CNOT2: variants seen among roughly 807,000 people sequenced by gnomAD.
The protein encoded by CNOT2 is CCR4-NOT transcription complex subunit 2.
A neutral mutation model predicts 72.1 loss-of-function variants in CNOT2; 7 were observed. The ratio of observed to expected loss-of-function variants is 0.10; its 90% confidence interval spans 0.06 to 0.18. CNOT2 has a LOEUF of 0.18. Ranked by LOEUF, CNOT2 falls within the 10% of genes least tolerant of loss-of-function variation. CNOT2 has a pLI of 1.00. For missense variants in CNOT2, 345 were observed against 660.3 expected (o/e 0.52, Z 5.23); for synonymous variants, 196 against 225.6 (o/e 0.87, Z 1.17).
intron 11 of CNOT2, among the ~76,000 whole-genome samples, chr12:70,339,066 A>ATATGTG (rs1881120696): frequency 5.9e-5 from 8 of 134,680 alleles, no homozygotes; most frequent in Non-Finnish European, 1.2e-4. Flanking sequence ...GCATGTATAT[A>ATATGTG]TGTGTGTGTG....
intron 4 of CNOT2, among the ~76,000 whole-genome samples, chr12:70,326,244 T>TA (rs1879056405): frequency 1.3e-5 from 2 of 151,848 alleles, no homozygotes; most frequent in Non-Finnish European, 2.9e-5. Context: ...TTATTCTTTG[T>TA]AAAAAGGTGA....
At chr12:70,338,045 C>T (rs2136052065) in intron 9 of CNOT2, 1 of 222,740 alleles carries the variant, frequency 4.5e-6, no homozygotes, top group East Asian at 1.4e-4. Context: ...GTATGTCTAA[C>T]TTATCTTCAA....
At chr12:70,337,106 G>T in intron 8 of CNOT2, 1 of 204,452 alleles carries the variant, frequency 4.9e-6, no homozygotes, top group Non-Finnish European at 9.9e-6. Context: ...AACCAAAATT[G>T]TTAATAATTA....
chr12:70,346,485 G>A (rs1177338255), intron 15 of CNOT2, 161 bp downstream of exon 15: 3 of 498,040 alleles, frequency 6.0e-6, no homozygotes, highest in African/African-American at 2.0e-5. Context: ...TTAGAAGAGT[G>A]TCCCAAAACA....
chr12:70,245,587 A>G (rs1196842376), intron 1 of CNOT2, among the ~76,000 whole-genome samples: 2 of 152,172 alleles, frequency 1.3e-5, no homozygotes, highest in African/African-American at 4.8e-5. Context: ...AATACAGCCT[A>G]TACAATTTTT....
chr12:70,317,878 T>C (rs1877626469), intron 3 of CNOT2, among the ~76,000 whole-genome samples: 1 of 151,354 alleles, frequency 6.6e-6, no homozygotes, highest in African/African-American at 2.4e-5. Flanking sequence ...GGTGAGAAAA[T>C]AGAAAAAAAA....
chr12:70,281,819 A>C (rs1565762639), intron 2 of CNOT2, among the ~76,000 whole-genome samples: 2 of 152,152 alleles, frequency 1.3e-5, no homozygotes, highest in South Asian at 2.1e-4. Context: ...TAGCTATTTA[A>C]ATTTAAACTC....
At chr12:70,304,856 C>T (rs1242545138) in intron 2 of CNOT2, among the ~76,000 whole-genome samples, 1 of 152,246 alleles carries the variant, frequency 6.6e-6, no homozygotes, top group Admixed American at 6.5e-5. Context: ...TGTTTACCTA[C>T]TCAAGCCTTG....
chr12:70,284,298 G>A (rs748361946), intron 2 of CNOT2, among the ~76,000 whole-genome samples: 19 of 151,526 alleles, frequency 1.3e-4, no homozygotes, highest in Non-Finnish European at 2.6e-4. Flanking sequence ...AGGCTGGAGT[G>A]CAGTGGCACC....
At chr12:70,341,960 T>C (rs1565831988) in intron 11 of CNOT2, 147 bp from the exon 12 acceptor site, 7 of 657,240 alleles carry the variant, frequency 1.1e-5, no homozygotes, top group Middle Eastern at 3.0e-4. Context: ...ACAGTCTTCA[T>C]TTGCTTCTGT....
intron 6 of CNOT2, 37 bp from the exon 7 acceptor site, chr12:70,332,730 C>T: frequency 6.4e-7 from 1 of 1,562,708 alleles, no homozygotes; most frequent in East Asian, 2.3e-5. Context: ...AGTTAGTGTT[C>T]TTACTGTATA....
At chr12:70,292,076 TA>T (rs1016670388) in intron 2 of CNOT2, among the ~76,000 whole-genome samples, 3 of 152,296 alleles carry the variant, frequency 2.0e-5, no homozygotes, top group African/African-American at 7.2e-5. Context: ...ATTTCTTATT[TA>T]AAAAGAGAAA....
At chr12:70,314,221 A>C (rs1251282030) in intron 3 of CNOT2, among the ~76,000 whole-genome samples, 3 of 152,154 alleles carry the variant, frequency 2.0e-5, no homozygotes, top group Non-Finnish European at 4.4e-5. Context: ...GCCATGTAAA[A>C]GTCTTCTATT....
At chr12:70,312,843 A>T (rs1565801025) in intron 3 of CNOT2, among the ~76,000 whole-genome samples, 1 of 152,010 alleles carries the variant, frequency 6.6e-6, no homozygotes, top group Non-Finnish European at 1.5e-5. Flanking sequence ...AAAATTACAA[A>T]ATAGCACAGG....
At chr12:70,349,144 T>C (rs1470999124) in intron 15 of CNOT2, among the ~76,000 whole-genome samples, 2 of 152,156 alleles carry the variant, frequency 1.3e-5, no homozygotes, top group East Asian at 3.8e-4. Flanking sequence ...ACTTAAAATT[T>C]TGAAGTTGCA....
intron 11 of CNOT2, among the ~76,000 whole-genome samples, chr12:70,341,710 T>C (rs1881530969): frequency 6.6e-6 from 1 of 152,188 alleles, no homozygotes; most frequent in Admixed American, 6.5e-5. Context: ...AAATAGTTAC[T>C]CAGTTTTCTT....
chr12:70,275,393 T>A (rs1232507335), intron 1 of CNOT2, among the ~76,000 whole-genome samples: 1 of 151,996 alleles, frequency 6.6e-6, no homozygotes, highest in Non-Finnish European at 1.5e-5. Context: ...GGGTTTATAG[T>A]GCTCATCAAA....
At chr12:70,247,236 C>T (rs1310267042) in intron 1 of CNOT2, among the ~76,000 whole-genome samples, 1 of 151,626 alleles carries the variant, frequency 6.6e-6, no homozygotes, top group African/African-American at 2.4e-5. Context: ...GTGATCTTGG[C>T]TCGCTACCAC....
At chr12:70,243,690 C>G (rs1957693164) in intron 1 of CNOT2, 1 of 38,102 alleles carries the variant, frequency 2.6e-5, no homozygotes. Context: ...AGGGGGGTGG[C>G]GGCGGTGGAG....
Sources: gnomAD v4.1 joint callset for allele counts (sites outside exome capture counted in the v4.1 genomes callset) on GRCh38, gnomAD v4.1.1 for gene constraint, MANE v1.5 for transcripts, NCBI Gene and HGNC (gene_info 2026-07-23, HGNC 2026-07-21) for gene names.